Variants in CSMD2 observed in about 807,000 individuals in gnomAD.
The protein encoded by CSMD2 is CUB and sushi domain-containing protein 2.
CSMD2 carries 130 observed loss-of-function variants against 398.5 expected under a neutral mutation model. That is an observed-to-expected ratio of 0.33 (90% confidence interval 0.28 to 0.38). The LOEUF is 0.38. Among genes scored for constraint, CSMD2 ranks in the 10% least tolerant of loss-of-function variants. The probability of loss-of-function intolerance (pLI) is 1.00; values close to 1 mark genes in which losing one functional copy is unlikely to be tolerated. For missense variants in CSMD2, 3,829 were observed against 4,764.9 expected, an observed-to-expected ratio of 0.80 and a Z score of 5.78; for synonymous variants, 1,828 against 1,908.5, an observed-to-expected ratio of 0.96 and a Z score of 1.10.
intron 3 of CSMD2, among the ~76,000 whole-genome samples, chr1:34,003,785 A>G (rs1646973693): frequency 4.6e-5 from 7 of 152,184 alleles, no homozygotes; most frequent in Admixed American, 3.9e-4. Flanking sequence ...GGTCTAGTCT[A>G]GACTGGCCTT....
intron 31 of CSMD2, among the ~76,000 whole-genome samples, chr1:33,634,627 G>T (rs1642684633): frequency 6.6e-6 from 1 of 152,220 alleles, no homozygotes; most frequent in South Asian, 2.1e-4. Context: ...TGCCAACCAG[G>T]TAATGAGCCT....
At chr1:34,090,943 C>G (rs1051654747) in intron 1 of CSMD2, among the ~76,000 whole-genome samples, 11 of 152,180 alleles carry the variant, frequency 7.2e-5, no homozygotes, top group African/African-American at 2.4e-4. Flanking sequence ...TGTTTCTGTC[C>G]TTTGTATCTG....
chr1:34,147,244 C>T (rs1489433741), intron 1 of CSMD2, among the ~76,000 whole-genome samples: 1 of 151,602 alleles, frequency 6.6e-6, no homozygotes, highest in Admixed American at 6.6e-5. Context: ...GGTGACAGAG[C>T]GACACTCCAT....
At chr1:34,140,141 T>C (rs998708430) in intron 1 of CSMD2, among the ~76,000 whole-genome samples, 9 of 151,996 alleles carry the variant, frequency 5.9e-5, no homozygotes, top group African/African-American at 2.2e-4. Flanking sequence ...CATGATCAAC[T>C]GAGATAAGTT....
intron 10 of CSMD2, among the ~76,000 whole-genome samples, chr1:33,800,346 A>C (rs1394943574): frequency 6.6e-6 from 1 of 152,202 alleles, no homozygotes; most frequent in Admixed American, 6.5e-5. Context: ...CCAGGAGTTC[A>C]AGGACAGAGG....
intron 24 of CSMD2, 30 bp from the exon 25 acceptor site, chr1:33,693,086 A>G: frequency 6.4e-7 from 1 of 1,573,632 alleles, no homozygotes; most frequent in Non-Finnish European, 8.6e-7. Flanking sequence ...AGTGAGCTTC[A>G]TGGGGTGGCC....
intron 12 of CSMD2, among the ~76,000 whole-genome samples, chr1:33,776,182 TGG>T (rs1405737648): frequency 6.7e-6 from 1 of 149,964 alleles, no homozygotes; most frequent in Non-Finnish European, 1.5e-5. Flanking sequence ...AATGAAGGGG[TGG>T]GAGGAAAGAT....
chr1:33,552,614 A>G (rs1261064078), intron 55 of CSMD2, among the ~76,000 whole-genome samples: 1 of 152,264 alleles, frequency 6.6e-6, no homozygotes, highest in Non-Finnish European at 1.5e-5. Flanking sequence ...CAAAAGGAAT[A>G]AAGTATTGAT....
At chr1:34,066,526 T>A (rs1189199842) in intron 2 of CSMD2, among the ~76,000 whole-genome samples, 1 of 152,168 alleles carries the variant, frequency 6.6e-6, no homozygotes, top group Non-Finnish European at 1.5e-5. Flanking sequence ...AGAGGGGGGA[T>A]GCCATGAAGC....
At chr1:33,926,977 C>G (rs529039959) in intron 4 of CSMD2, among the ~76,000 whole-genome samples, 25 of 152,260 alleles carry the variant, frequency 1.6e-4, no homozygotes, top group Non-Finnish European at 3.2e-4. Context: ...ATCTTGCATG[C>G]CTAGAAGATT....
At chr1:34,123,117 A>T (rs1367102177) in intron 1 of CSMD2, among the ~76,000 whole-genome samples, 1 of 152,190 alleles carries the variant, frequency 6.6e-6, no homozygotes, top group Non-Finnish European at 1.5e-5. Context: ...TTTGTGTGAT[A>T]GGTTCAAAGT....
chr1:33,930,439 A>G (rs1644274986), intron 4 of CSMD2, among the ~76,000 whole-genome samples: 1 of 152,226 alleles, frequency 6.6e-6, no homozygotes, highest in Non-Finnish European at 1.5e-5. Context: ...AATTTGGAAT[A>G]CAGCTCAGCG....
chr1:33,652,757 A>T (rs1643830931), intron 27 of CSMD2, among the ~76,000 whole-genome samples: 1 of 152,134 alleles, frequency 6.6e-6, no homozygotes, highest in Non-Finnish European at 1.5e-5. Flanking sequence ...AATTATTATT[A>T]TTATTTTTTG....
At chr1:33,770,125 T>G (rs2149323934) in intron 13 of CSMD2, among the ~76,000 whole-genome samples, 1 of 152,368 alleles carries the variant, frequency 6.6e-6, no homozygotes, top group Admixed American at 6.5e-5. Flanking sequence ...TCCAGGTATT[T>G]ATTGTGGGAA....
At chr1:34,122,116 G>A (rs552149136) in intron 1 of CSMD2, among the ~76,000 whole-genome samples, 14 of 151,090 alleles carry the variant, frequency 9.3e-5, no homozygotes, top group South Asian at 2.1e-4. Context: ...TTTTGTTCCC[G>A]GGGATATCTG....
intron 29 of CSMD2, among the ~76,000 whole-genome samples, chr1:33,644,297 G>A (rs978861053): frequency 6.6e-5 from 10 of 152,228 alleles, no homozygotes; most frequent in Admixed American, 2.6e-4. Context: ...ATGGCCACAG[G>A]CAGGTAGGCA....
chr1:34,142,705 C>A (rs563108666), intron 1 of CSMD2, among the ~76,000 whole-genome samples: 3 of 152,300 alleles, frequency 2.0e-5, no homozygotes, highest in African/African-American at 4.8e-5. Context: ...CCATGTGTGA[C>A]TTTTTGTGAC....
At position 33,537,414 on chromosome 1, in the gene CSMD2, C is replaced by T. The variant is rs1338720158; in HGVS notation, c.9805+22G>A. The T allele has an allele frequency of 6.3e-7, 1 of 1,595,386 alleles. No homozygotes were observed. Among genetic ancestry groups the T allele is most frequent in the South Asian group, 1.1e-5 (1 of 89,212 alleles). On this transcript the variant is annotated intron_variant, in intron 61 of 70. Transcript: ENST00000373381. The surrounding 1 kb of genome is among the most constrained non-coding windows in gnomAD (Gnocchi z 4.6). The stretch of plus-strand genomic sequence containing the variant: ...TCCCGCAACCCCAGCCAAGACGCTC[C>T]CTGCTCCAGATGACCTCTCACCTAT...
chr1:33,957,010 C>T (rs1251485422), intron 3 of CSMD2, among the ~76,000 whole-genome samples: 4 of 152,026 alleles, frequency 2.6e-5, no homozygotes, highest in Admixed American at 2.0e-4. Flanking sequence ...GGTCCTCAGG[C>T]TTACCAAGTT....
Sources: allele counts gnomAD v4.1 joint callset (sites outside exome capture counted in the v4.1 genomes callset), GRCh38; gene constraint gnomAD v4.1.1; non-coding constraint Gnocchi (gnomAD v3.1); transcripts MANE v1.5; gene names NCBI Gene and HGNC (gene_info 2026-07-23, HGNC 2026-07-21).